Variants in GPRC6A observed in about 807,000 individuals in gnomAD.
GPRC6A encodes the protein G protein-coupled receptor family C group 6 member A.
Under a neutral mutation model 47.0 loss-of-function variants are expected in GPRC6A, and 54 were observed. The ratio of observed to expected loss-of-function variants is 1.15; its 90% confidence interval spans 0.92 to 1.44. The LOEUF is 1.44. GPRC6A is among the 40% of genes most tolerant of loss of function. The probability of loss-of-function intolerance (pLI) is 0.00; values close to 1 mark genes in which losing one functional copy is unlikely to be tolerated. For missense variants in GPRC6A, 1,112 were observed against 1,105.5 expected (o/e 1.01, Z -0.08); for synonymous variants, 347 against 377.1 (o/e 0.92, Z 0.93).
intron 1 of GPRC6A, among the ~76,000 whole-genome samples, chr6:116,822,651 A>G (rs1346254982): frequency 6.8e-6 from 1 of 147,268 alleles, no homozygotes; most frequent in East Asian, 2.0e-4. Flanking sequence ...TATAGGTGGG[A>G]ATTGAACAAT....
intron 1 of GPRC6A, among the ~76,000 whole-genome samples, chr6:116,826,126 G>T (rs1218987648): frequency 6.6e-6 from 1 of 151,830 alleles, no homozygotes; most frequent in African/African-American, 2.4e-5. Flanking sequence ...AAGGACATCA[G>T]TCTAGGCAAA....
chr6:116,807,729 A>G (rs1317863583), intron 2 of GPRC6A, among the ~76,000 whole-genome samples: 1 of 152,170 alleles, frequency 6.6e-6, no homozygotes, highest in Non-Finnish European at 1.5e-5. Flanking sequence ...TCTCTGTCAT[A>G]TCTATTTTTT....
intron 3 of GPRC6A, among the ~76,000 whole-genome samples, chr6:116,801,952 A>G (rs1052975081): frequency 1.3e-5 from 2 of 152,180 alleles, no homozygotes; most frequent in African/African-American, 4.8e-5. Flanking sequence ...CCTACCTCCA[A>G]TGTTCTCACT....
intron 1 of GPRC6A, among the ~76,000 whole-genome samples, chr6:116,810,244 T>G (rs1361912360): frequency 1.3e-5 from 2 of 152,192 alleles, no homozygotes; most frequent in Non-Finnish European, 2.9e-5. Flanking sequence ...TTACAAATAG[T>G]GCCTAATATA....
At position 116,828,819 on chromosome 6, in the gene GPRC6A, C is replaced by A. The variant is rs780321125; in HGVS notation, c.194+1G>T. On this transcript the variant is annotated splice_donor_variant, in intron 1 of 5. Coordinates refer to ENST00000310357, the MANE Select transcript of GPRC6A (RefSeq NM_148963.4). LOFTEE classifies it high-confidence loss of function. ...AAACGTGTTTTTTGAGACTTACTCA[C>A]CCAACACACTCCTGGATTTGTGGTC... 3 of 1,609,884 alleles carry A rather than the reference C, an allele frequency of 1.9e-6. No homozygotes were observed. Among genetic ancestry groups the A allele is most frequent in the African/African-American group, 2.7e-5 (2 of 74,800 alleles).
intron 1 of GPRC6A, among the ~76,000 whole-genome samples, chr6:116,822,890 C>CT (rs1372500429): frequency 4.1e-4 from 43 of 106,002 alleles, no homozygotes; most frequent in Admixed American, 3.8e-4. Context: ...TTACTAGTCT[C>CT]TAAAAAAAAA....
intron 1 of GPRC6A, among the ~76,000 whole-genome samples, chr6:116,820,972 C>T (rs1773451510): frequency 6.6e-6 from 1 of 152,056 alleles, no homozygotes; most frequent in Admixed American, 6.5e-5. Flanking sequence ...ATTGTCTAAG[C>T]CCAAAATCTC....
chr6:116,811,713 C>T (rs1278283732), intron 1 of GPRC6A, among the ~76,000 whole-genome samples: 1 of 151,628 alleles, frequency 6.6e-6, no homozygotes, highest in Non-Finnish European at 1.5e-5. Flanking sequence ...ATTGAATGAA[C>T]AACATAACAC....
Position 116,804,789 on chromosome 6 carries a change from G to C in GPRC6A, c.1335+1581C>G, listed in dbSNP as rs987309839. 5.3e-5 allele frequency among the ~76,000 whole-genome samples: 8 copies of C among 152,036 alleles called. No homozygotes were observed. The South Asian group carries it at 6.2e-4, about 12-fold the overall frequency. On this transcript the variant is annotated intron_variant, in intron 3 of 5. Transcript: ENST00000310357. ...TCTATTTTTCCCCAGATCTTCAGGG[G>C]GTGAATAACTCTTGCTATTTGCATT...
chr6:116,821,160 A>G (rs1176460305), intron 1 of GPRC6A, among the ~76,000 whole-genome samples: 1 of 151,918 alleles, frequency 6.6e-6, no homozygotes, highest in Non-Finnish European at 1.5e-5. Context: ...AAGGGATGTG[A>G]AGGACCTCTT....
chr6:116,813,926 T>G (rs1044905486), intron 1 of GPRC6A, among the ~76,000 whole-genome samples: 1 of 151,572 alleles, frequency 6.6e-6, no homozygotes, highest in African/African-American at 2.4e-5. Context: ...AAACAACCCC[T>G]TCAAAAAGTG....
intron 1 of GPRC6A, among the ~76,000 whole-genome samples, chr6:116,815,687 T>G (rs1028178308): frequency 2.6e-5 from 4 of 152,070 alleles, no homozygotes; most frequent in African/African-American, 9.7e-5. Context: ...TGCAATGAAC[T>G]AAAATTAGAA....
At chr6:116,796,282 T>TAA (rs202165068) in intron 4 of GPRC6A, among the ~76,000 whole-genome samples, 39 of 144,752 alleles carry the variant, frequency 2.7e-4, no homozygotes, top group African/African-American at 9.1e-4. Flanking sequence ...CTCCAAAAAA[T>TAA]AAAAAAAAAA....
intron 2 of GPRC6A, among the ~76,000 whole-genome samples, chr6:116,807,429 G>T (rs564128724): frequency 6.6e-6 from 1 of 152,218 alleles, no homozygotes; most frequent in African/African-American, 2.4e-5. Flanking sequence ...AATTCAGGCT[G>T]TATCTCATTT....
chr6:116,812,159 A>G (rs765880646), intron 1 of GPRC6A, among the ~76,000 whole-genome samples: 8 of 152,200 alleles, frequency 5.3e-5, no homozygotes, highest in Non-Finnish European at 1.2e-4. Flanking sequence ...AAATCCCATT[A>G]TACTAACAGA....
At chr6:116,809,653 T>C (rs1196752490) in intron 1 of GPRC6A, 36 bp from the exon 2 acceptor site, 2 of 1,465,732 alleles carry the variant, frequency 1.4e-6, no homozygotes, top group South Asian at 2.4e-5. Flanking sequence ...AATCAGAACA[T>C]AACTCTTCTA....
rs752967015 is a variant in GPRC6A, at chr6:116,792,713, G to C, written c.2210C>G (p.Pro737Arg). Residue 737 changes from proline to arginine, a missense_variant, in exon 6 of 6, where the codon CCC (proline) becomes CGC (arginine). Pro to Arg is a moderately radical substitution (Grantham distance 103). Transcript: ENST00000310357. ...CTCACACTCCAGGATGATGACTCTG[G>C]GCAAGGAGACATTCACCTCTACAGT... is the stretch of plus-strand genomic sequence containing the variant. ...APTVEVNVSL[P>R]RVIILECEEG... is the part of the protein sequence containing the mutation. 9 of 1,612,874 alleles carry C rather than the reference G, an allele frequency of 5.6e-6. No individual in the cohort carries two copies. In the Admixed American group the frequency reaches 1.5e-4, roughly 27 times the overall value.
Position 116,806,489 on chromosome 6 carries a change from A to T in GPRC6A, c.1216T>A (p.Tyr406Asn). The change falls in exon 3 of 6, where the codon TAT (tyrosine) becomes AAT (asparagine). Residue 406 changes from tyrosine to asparagine, a missense_variant. Coordinates refer to ENST00000310357, the MANE Select transcript of GPRC6A (RefSeq NM_148963.4). The stretch of plus-strand genomic sequence containing the variant: ...CTATGAATGAGTCCTGGCTCAGCAT[A>T]GTCCCAGAGGAAGTCATTTCTCATG... ...FVMRNDFLWD[Y>N]AEPGLIHSIQ... The T allele has an allele frequency of 6.2e-7, 1 of 1,613,594 alleles. No individual in the cohort carries two copies. Among genetic ancestry groups the T allele is most frequent in the South Asian group, 1.1e-5 (1 of 91,068 alleles).
chr6:116,819,671 A>G (rs1773384468), intron 1 of GPRC6A, among the ~76,000 whole-genome samples: 1 of 152,190 alleles, frequency 6.6e-6, no homozygotes, highest in African/African-American at 2.4e-5. Flanking sequence ...AAGAACAAAG[A>G]CACAACATAC....
Sources: allele counts gnomAD v4.1 joint callset (sites outside exome capture counted in the v4.1 genomes callset), GRCh38; gene constraint gnomAD v4.1.1; transcripts MANE v1.5; gene names NCBI Gene and HGNC (gene_info 2026-07-23, HGNC 2026-07-21).